Variants in AFDN observed in about 807,000 individuals in gnomAD.
The protein encoded by AFDN is afadin.
Under a neutral mutation model 216.6 loss-of-function variants are expected in AFDN, and 68 were observed. That is an observed-to-expected ratio of 0.31 (90% confidence interval 0.26 to 0.38). The LOEUF (loss-of-function observed/expected upper bound fraction) is 0.38, where lower values mean the gene tolerates loss of function less well. Among genes scored for constraint, AFDN ranks in the 10% least tolerant of loss-of-function variants. The pLI is 1.00. For missense variants in AFDN, 2,136 were observed against 2,342.0 expected, an observed-to-expected ratio of 0.91 and a Z score of 1.82; for synonymous variants, 868 against 853.7, an observed-to-expected ratio of 1.02 and a Z score of -0.29.
chr6:167,845,891 A>G (rs561857867), intron 1 of AFDN, among the ~76,000 whole-genome samples: 39 of 152,306 alleles, frequency 2.6e-4, no homozygotes, highest in African/African-American at 9.1e-4. Context: ...ACCTCAGGAA[A>G]CTTAACAATC....
At chr6:167,889,150 CT>C in intron 6 of AFDN, 64 bp from the exon 7 acceptor site, 1 of 1,052,416 alleles carries the variant, frequency 9.5e-7, no homozygotes. Flanking sequence ...TAAATGTGTT[CT>C]TTTAAGTACT....
chr6:167,903,682 C>T (rs1340821128), intron 12 of AFDN, among the ~76,000 whole-genome samples: 1 of 152,186 alleles, frequency 6.6e-6, no homozygotes, highest in Middle Eastern at 3.2e-3. Flanking sequence ...TATACCCCTC[C>T]AGTTTTGACC....
chr6:167,949,024 G>A (rs1354232421), intron 29 of AFDN, among the ~76,000 whole-genome samples: 1 of 152,262 alleles, frequency 6.6e-6, no homozygotes, highest in Non-Finnish European at 1.5e-5. Context: ...GGGGTGGCAA[G>A]ATCTAAGGCA....
chr6:167,826,719 C>T, upstream of AFDN: 1 of 428,312 alleles, frequency 2.3e-6, no homozygotes, highest in South Asian at 1.7e-5. Flanking sequence ...CCAGTCCAGA[C>T]GGAACCCTAG....
At chr6:167,886,888 A>C (rs1454986698) in intron 6 of AFDN, among the ~76,000 whole-genome samples, 2 of 151,904 alleles carry the variant, frequency 1.3e-5, no homozygotes, top group Non-Finnish European at 2.9e-5. Context: ...GGTGGTGGGC[A>C]CCTGTAATCC....
At chr6:167,934,272 G>A (rs547660484) in intron 23 of AFDN, among the ~76,000 whole-genome samples, 11 of 152,290 alleles carry the variant, frequency 7.2e-5, no homozygotes, top group African/African-American at 2.4e-4. Context: ...TGGAACTACA[G>A]CCTTGCTCAT....
intron 1 of AFDN, among the ~76,000 whole-genome samples, chr6:167,835,828 A>G (rs1224480778): frequency 3.9e-5 from 6 of 152,198 alleles, no homozygotes; most frequent in African/African-American, 1.4e-4. Context: ...TTGGGGGTTC[A>G]TGGACTGCAG....
intron 1 of AFDN, among the ~76,000 whole-genome samples, chr6:167,834,066 A>G (rs1483544832): frequency 6.6e-6 from 1 of 152,288 alleles, no homozygotes; most frequent in East Asian, 1.9e-4. Flanking sequence ...TACACTTTTT[A>G]CATTAATTTC....
chr6:167,913,585 C>A, intron 16 of AFDN, 162 bp downstream of exon 16: 1 of 602,102 alleles, frequency 1.7e-6, no homozygotes, highest in South Asian at 2.3e-5. Flanking sequence ...ACTGTGCAAC[C>A]TTTATCGGCA....
chr6:167,965,267 G>A (rs888186051), intron 31 of AFDN, among the ~76,000 whole-genome samples: 1 of 152,060 alleles, frequency 6.6e-6, no homozygotes, highest in African/African-American at 2.4e-5. Context: ...GCATTCATGG[G>A]GGCTCAGTGA....
rs193210590 is a variant in AFDN at position 167,870,493 on chromosome 6, C to G, written c.409C>G (p.Pro137Ala). The G allele has an allele frequency of 1.0e-4, 165 of 1,598,540 alleles. 4 individuals carry two copies. The Middle Eastern group carries it at 2.3e-3, about 23-fold the overall frequency. ...VLKNENDAIP[P>A]KKAQSNGPEK... is the part of the protein sequence containing the mutation. ...TAAGAATGAGAATGACGCCATTCCT[C>G]CTAAGGTAGGAACCCTCAGTATTTT... The change falls in exon 3 of 34, where the codon CCT becomes GCT. Residue 137 changes from proline (P) to alanine (A), a missense_variant. Physicochemically the swap from Pro to Ala is conservative, Grantham distance 27 (BLOSUM62 -1). Transcript: ENST00000683244.
chr6:167,929,904 C>T (rs750059118), intron 23 of AFDN, among the ~76,000 whole-genome samples: 4 of 152,294 alleles, frequency 2.6e-5, no homozygotes, highest in African/African-American at 4.8e-5. Context: ...AGATTTAGTT[C>T]TAAAATGGTT....
At chr6:167,944,827 G>T (rs1795084078) in intron 26 of AFDN, among the ~76,000 whole-genome samples, 1 of 152,154 alleles carries the variant, frequency 6.6e-6, no homozygotes, top group East Asian at 1.9e-4. Context: ...CCCATAGAAG[G>T]CCACTTAACC....
At chr6:167,832,611 A>G (rs1779947822) in intron 1 of AFDN, among the ~76,000 whole-genome samples, 1 of 152,256 alleles carries the variant, frequency 6.6e-6, no homozygotes, top group African/African-American at 2.4e-5. Flanking sequence ...TGGTTCAAAT[A>G]CAAGCAGGAA....
At chr6:167,891,138 T>C in intron 8 of AFDN, 109 bp downstream of exon 8, 2 of 841,196 alleles carry the variant, frequency 2.4e-6, no homozygotes, top group African/African-American at 1.7e-5. Flanking sequence ...TGACTTAACA[T>C]TTTTAGCCAT....
At chr6:167,899,332 A>C (rs1382159503) in intron 11 of AFDN, among the ~76,000 whole-genome samples, 1 of 152,208 alleles carries the variant, frequency 6.6e-6, no homozygotes, top group South Asian at 2.1e-4. Context: ...CCCAAGTGTC[A>C]GCAAATGACC....
chr6:167,945,054 AAAAC>A (rs200759719), intron 26 of AFDN, among the ~76,000 whole-genome samples: 1,896 of 152,304 alleles, frequency 0.012, 47 homozygotes, highest in African/African-American at 0.043. Flanking sequence ...TAAATTAAAA[AAAAC>A]CTTTTGACTC....
intron 23 of AFDN, among the ~76,000 whole-genome samples, chr6:167,931,267 G>T (rs1238341508): frequency 1.3e-5 from 2 of 152,156 alleles, no homozygotes; most frequent in Non-Finnish European, 2.9e-5. Context: ...GACATATGGA[G>T]GTGTGATTTA....
intron 23 of AFDN, among the ~76,000 whole-genome samples, chr6:167,941,919 A>C (rs559306576): frequency 6.6e-6 from 1 of 152,378 alleles, no homozygotes. Flanking sequence ...TAGTTGCCAG[A>C]TAATGTAACC....
Sources: gnomAD v4.1 joint callset for allele counts (sites outside exome capture counted in the v4.1 genomes callset) on GRCh38, gnomAD v4.1.1 for gene constraint, MANE v1.5 for transcripts, NCBI Gene and HGNC (gene_info 2026-07-23, HGNC 2026-07-21) for gene names.